The following NRG1 variants were observed in gnomAD, a reference collection of about 807,000 sequenced individuals.
NRG1 encodes pro-neuregulin-1, membrane-bound isoform.
Under a neutral mutation model 63.8 loss-of-function variants are expected in NRG1, and 18 were observed. The observed-to-expected ratio is 0.28, with a 90% CI of 0.19 to 0.42. The LOEUF (loss-of-function observed/expected upper bound fraction) is 0.42. Ranked by LOEUF, NRG1 falls within the 10% of genes least tolerant of loss-of-function variation. The pLI is 1.00. For synonymous variants in NRG1, 302 were observed against 301.3 expected, an observed-to-expected ratio of 1.00 and a Z score of -0.02; for missense variants, 762 against 814.7, an observed-to-expected ratio of 0.94 and a Z score of 0.79.
chr8:32,367,800 T>C (rs1808274692), intron 1 of NRG1, among the ~76,000 whole-genome samples: 2 of 152,204 alleles, frequency 1.3e-5, no homozygotes, highest in South Asian at 4.1e-4. Context: ...CTTTATAGTT[T>C]CAGGTCCTAA....
At chr8:31,707,879 T>A (rs1417093209) in intron 1 of NRG1, among the ~76,000 whole-genome samples, 1 of 152,246 alleles carries the variant, frequency 6.6e-6, no homozygotes, top group Non-Finnish European at 1.5e-5. Flanking sequence ...TGTTTTCCTC[T>A]TTCCAAATTT....
chr8:32,721,547 C>G (rs1199815574), intron 5 of NRG1, among the ~76,000 whole-genome samples: 1 of 152,184 alleles, frequency 6.6e-6, no homozygotes, highest in Non-Finnish European at 1.5e-5. Context: ...AGAGTTCAGT[C>G]AAGGAGAGGT....
intron 1 of NRG1, among the ~76,000 whole-genome samples, chr8:31,666,060 A>G (rs1806507535): frequency 6.6e-6 from 1 of 152,198 alleles, no homozygotes; most frequent in Admixed American, 6.5e-5. Flanking sequence ...CCTGGAAAAT[A>G]AAACACCATT....
At chr8:32,013,942 A>G (rs384536) in intron 1 of NRG1, among the ~76,000 whole-genome samples, 16,830 of 152,194 alleles carry the variant, frequency 0.11, 2,154 homozygotes, top group African/African-American at 0.32. Flanking sequence ...TCACCAACTC[A>G]AAATAGGAAA....
At chr8:32,454,515 GA>G (rs970227996) in intron 1 of NRG1, among the ~76,000 whole-genome samples, 3 of 134,544 alleles carry the variant, frequency 2.2e-5, no homozygotes, top group African/African-American at 5.5e-5. Flanking sequence ...ATTTTAGTAA[GA>G]AAAAAAACCG....
At chr8:32,426,133 A>G (rs998767786) in intron 1 of NRG1, among the ~76,000 whole-genome samples, 14 of 152,186 alleles carry the variant, frequency 9.2e-5, no homozygotes, top group African/African-American at 3.1e-4. Context: ...GCCCAGACTA[A>G]ATAGACTGTG....
intron 5 of NRG1, among the ~76,000 whole-genome samples, chr8:32,639,751 A>G (rs1301542079): frequency 6.6e-6 from 1 of 152,234 alleles, no homozygotes; most frequent in African/African-American, 2.4e-5. Context: ...TTGGGGGACC[A>G]GTTTATAGAA....
exon 12 of NRG1, chr8:32,764,326 G>C: frequency 6.2e-7 from 1 of 1,613,870 alleles, no homozygotes; most frequent in African/African-American, 1.3e-5. Context: ...AACCCAGCAG[G>C]CCGCTTCTCG....
intron 1 of NRG1, among the ~76,000 whole-genome samples, chr8:32,409,977 C>CT (rs1421004578): frequency 6.6e-6 from 1 of 152,032 alleles, no homozygotes; most frequent in African/African-American, 2.4e-5. Flanking sequence ...CTGCATTCTG[C>CT]TTAAGCCATC....
chr8:32,101,707 G>A (rs933034478), intron 1 of NRG1, among the ~76,000 whole-genome samples: 1 of 152,102 alleles, frequency 6.6e-6, no homozygotes, highest in African/African-American at 2.4e-5. Context: ...CGCTAGTTGC[G>A]TTTAATGTGG....
chr8:32,478,838 C>G (rs555913599), intron 1 of NRG1, among the ~76,000 whole-genome samples: 1 of 152,160 alleles, frequency 6.6e-6, no homozygotes, highest in Admixed American at 6.5e-5. Flanking sequence ...TTTCATTTGA[C>G]GCCCACAAGC....
intron 1 of NRG1, among the ~76,000 whole-genome samples, chr8:32,436,069 G>A (rs1018987175): frequency 2.6e-5 from 4 of 152,078 alleles, no homozygotes; most frequent in Admixed American, 6.6e-5. Flanking sequence ...CCTGAGACTG[G>A]GTAATTTATA....
chr8:32,631,468 A>G (rs1850297150), intron 5 of NRG1, among the ~76,000 whole-genome samples: 1 of 152,240 alleles, frequency 6.6e-6, no homozygotes, highest in Non-Finnish European at 1.5e-5. Context: ...GGTAAGCGAC[A>G]CAGCCGAACT....
chr8:32,728,452 G>A (rs1248125138), intron 6 of NRG1: 35 of 985,246 alleles, frequency 3.6e-5, no homozygotes, highest in Non-Finnish European at 4.1e-5. Flanking sequence ...TAAGCTGTAA[G>A]ATAATGTTGC....
At chr8:32,173,889 T>A (rs1036242595) in intron 1 of NRG1, among the ~76,000 whole-genome samples, 57 of 152,260 alleles carry the variant, frequency 3.7e-4, no homozygotes, top group African/African-American at 1.3e-3. Context: ...ACAATAATAA[T>A]GGGAGACTTT....
chr8:32,202,690 T>A (rs1236527932), intron 1 of NRG1, among the ~76,000 whole-genome samples: 1 of 151,724 alleles, frequency 6.6e-6, no homozygotes, highest in Non-Finnish European at 1.5e-5. Context: ...GGGAAGATGA[T>A]CTTCCCCTGT....
At chr8:32,339,698 G>A (rs565161246) in intron 1 of NRG1, among the ~76,000 whole-genome samples, 5 of 152,198 alleles carry the variant, frequency 3.3e-5, no homozygotes, top group East Asian at 1.9e-4. Context: ...ATAAAATGAC[G>A]TTTAGTAATT....
chr8:32,261,441 C>A lies in NRG1; in HGVS notation c.38-334387C>A, dbSNP rs571717522. 3.6e-4 allele frequency among the ~76,000 whole-genome samples: 55 copies of A among 151,492 alleles called. 2 individuals are homozygous for A. Among genetic ancestry groups the A allele is most frequent in the Admixed American group, 9.3e-4 (14 of 15,114 alleles). On this transcript the variant is annotated intron_variant, in intron 1 of 10. Coordinates refer to the NRG1 transcript ENST00000519301. The stretch of plus-strand genomic sequence containing the variant: ...AATAAAACTAGAAGGGCAATGAATT[C>A]GAAACGGAGGCTTTTCTTACTAGCC...
intron 1 of NRG1, among the ~76,000 whole-genome samples, chr8:31,864,578 C>G (rs567674942): frequency 1.3e-5 from 2 of 151,942 alleles, no homozygotes; most frequent in Middle Eastern, 3.4e-3. Flanking sequence ...AACTGAAAGG[C>G]GGAAAGTGCA....
Sources: gnomAD v4.1 joint callset for allele counts (sites outside exome capture counted in the v4.1 genomes callset) on GRCh38, gnomAD v4.1.1 for gene constraint, MANE v1.5 for transcripts, NCBI Gene and HGNC (gene_info 2026-07-23, HGNC 2026-07-21) for gene names.